Variants in HMGB1 observed in about 807,000 individuals in gnomAD.
HMGB1 encodes high mobility group protein B1.
For synonymous variants in HMGB1, 81 were observed against 84.0 expected, an observed-to-expected ratio of 0.96 and a Z score of 0.19; for missense variants, 79 against 253.5, an observed-to-expected ratio of 0.31 and a Z score of 4.67.
chr13:30,469,789 C>G (rs1886878020), upstream of HMGB1, among the ~76,000 whole-genome samples: 1 of 152,298 alleles, frequency 6.6e-6, no homozygotes, highest in Non-Finnish European at 1.5e-5. Context: ...TGCCACCACG[C>G]CCAGCTTATT....
chr13:30,564,174 T>C (rs1002757312), intron 1 of HMGB1, among the ~76,000 whole-genome samples: 1 of 151,176 alleles, frequency 6.6e-6, no homozygotes. Context: ...GGCTCATGCC[T>C]GTAATCCCAG....
rs988016285 is a variant in HMGB1, at chr13:30,459,393, A to G, written c.*1964T>C. ...GTCATGACGTACCTACTAAAGTTACAAATTCTCCTTGAGCCAGAATTCATT... is the reference window on the plus strand; with the variant it reads ...GTCATGACGTACCTACTAAAGTTACGAATTCTCCTTGAGCCAGAATTCATT... On this transcript the variant is annotated 3_prime_UTR_variant, in exon 5 of 5. Transcript: ENST00000341423. 6 of 152,214 alleles carry G rather than the reference A, an allele frequency of 3.9e-5. No individual in the cohort carries two copies. The highest frequency in any genetic ancestry group is 8.8e-5 in the Non-Finnish European group (6 of 68,034). The allele number at this position is 152,214 out of a possible 1,614,324, so 9.4% of individuals were successfully genotyped here.
exon 1 of HMGB1, chr13:30,617,199 T>C (rs1157476715): frequency 6.6e-6 from 1 of 152,124 alleles, no homozygotes; most frequent in Admixed American, 6.5e-5. Context: ...TCCCTGCGCT[T>C]TCGCTGCTCC....
At chr13:30,479,892 A>G (rs1053209220) in intron 1 of HMGB1, among the ~76,000 whole-genome samples, 4 of 152,210 alleles carry the variant, frequency 2.6e-5, no homozygotes, top group African/African-American at 9.6e-5. Context: ...TTTAATTACA[A>G]TGTTTTCTTC....
chr13:30,535,794 G>A (rs1212315139), intron 1 of HMGB1, among the ~76,000 whole-genome samples: 1 of 152,238 alleles, frequency 6.6e-6, no homozygotes, highest in Admixed American at 6.5e-5. Flanking sequence ...GGAGGCTGAG[G>A]CAGGAGAATC....
intron 1 of HMGB1, among the ~76,000 whole-genome samples, chr13:30,585,385 C>G (rs1871100010): frequency 6.6e-6 from 1 of 152,054 alleles, no homozygotes; most frequent in Non-Finnish European, 1.5e-5. Flanking sequence ...AATGTTAAAT[C>G]CATTATAAAG....
intron 1 of HMGB1, among the ~76,000 whole-genome samples, chr13:30,499,916 G>T (rs1253069948): frequency 2.0e-5 from 3 of 152,176 alleles, no homozygotes; most frequent in Non-Finnish European, 4.4e-5. Flanking sequence ...AGTTCCTCGG[G>T]CCTGGGGAAA....
At chr13:30,500,917 C>T (rs769451963) in intron 1 of HMGB1, among the ~76,000 whole-genome samples, 5 of 152,050 alleles carry the variant, frequency 3.3e-5, no homozygotes, top group Non-Finnish European at 7.4e-5. Context: ...AAGTGATTTT[C>T]TTGCCTTGGC....
chr13:30,599,475 A>AC (rs1446000581), intron 1 of HMGB1, among the ~76,000 whole-genome samples: 2 of 152,126 alleles, frequency 1.3e-5, no homozygotes, highest in Non-Finnish European at 2.9e-5. Context: ...TCTCAAAAAC[A>AC]AAAAAACAAA....
chr13:30,483,372 C>G (rs1429278308), intron 1 of HMGB1, among the ~76,000 whole-genome samples: 1 of 152,096 alleles, frequency 6.6e-6, no homozygotes, highest in Non-Finnish European at 1.5e-5. Context: ...CCCTCACTCC[C>G]CGCAACCAGC....
rs58424009 is a variant in HMGB1 at position 30,537,652 on chromosome 13, C to CATATAT, written c.-14-73964_-14-73959dup. Reference sequence around the variant, plus strand: ...TGGTGGCAATTCATTCATTCTTGTTCATATATATATATATATATATATATA... The same window carrying CATATAT: ...TGGTGGCAATTCATTCATTCTTGTTCATATATATATATATATATATATATATATATA... On this transcript the variant is annotated intron_variant, in intron 1 of 4. Coordinates refer to the HMGB1 transcript ENST00000405805. 7.8e-3 allele frequency among the ~76,000 whole-genome samples: 532 copies of CATATAT among 67,860 alleles called. 20 individuals are homozygous for CATATAT. The highest frequency in any genetic ancestry group is 0.016 in the South Asian group (18 of 1,102). The allele number at this position is 67,860 out of a possible 152,430, so 44.5% of individuals were successfully genotyped here. A position where few individuals can be genotyped will look rare whatever the true frequency, so the allele number is the denominator to read the frequency against.
At chr13:30,544,436 C>G (rs1008456273) in intron 1 of HMGB1, among the ~76,000 whole-genome samples, 2 of 152,210 alleles carry the variant, frequency 1.3e-5, no homozygotes, top group African/African-American at 4.8e-5. Context: ...TCTCACTCCC[C>G]CAACCTCCGG....
chr13:30,481,791 T>G (rs1182062448), intron 1 of HMGB1, among the ~76,000 whole-genome samples: 1 of 152,178 alleles, frequency 6.6e-6, no homozygotes, highest in Admixed American at 6.5e-5. Flanking sequence ...AGCTTCTGTC[T>G]TACTCATTAG....
chr13:30,471,514 AT>A (rs933222421), intron 1 of HMGB1, among the ~76,000 whole-genome samples: 180 of 140,214 alleles, frequency 1.3e-3, no homozygotes, highest in Middle Eastern at 3.8e-3. Flanking sequence ...CACCTGGCTA[AT>A]TTTTTTTTTT....
intron 1 of HMGB1, among the ~76,000 whole-genome samples, chr13:30,563,256 CAG>C (rs1009645347): frequency 4.6e-4 from 70 of 152,312 alleles, no homozygotes; most frequent in African/African-American, 1.5e-3. Flanking sequence ...TTATTTCTGA[CAG>C]AGTGTTCCCT....
rs1869538462 is a variant in HMGB1, at chr13:30,553,701, G to C, written c.-15+62970C>G. 13 of 954,310 alleles carry C rather than the reference G, an allele frequency of 1.4e-5. No homozygotes were observed. The South Asian group carries it at 1.4e-4, about 11-fold the overall frequency. 59.1% of individuals were successfully genotyped at this position (954,310 alleles called of 1,614,324 possible). On this transcript the variant is annotated intron_variant, in intron 1 of 4. Transcript: ENST00000405805. ...CACCATCATTGAGCGGGAGTTCAAGGAGTTGGATGCTCAGCATCGCTGGCA... is the reference window on the plus strand; with the variant it reads ...CACCATCATTGAGCGGGAGTTCAAGCAGTTGGATGCTCAGCATCGCTGGCA...
At chr13:30,605,959 T>C (rs557778867) in intron 1 of HMGB1, among the ~76,000 whole-genome samples, 9 of 152,284 alleles carry the variant, frequency 5.9e-5, no homozygotes, top group African/African-American at 2.2e-4. Context: ...ATAGTAACCA[T>C]GAACACACCT....
At chr13:30,548,616 G>A (rs939498585) in intron 1 of HMGB1, among the ~76,000 whole-genome samples, 1 of 152,174 alleles carries the variant, frequency 6.6e-6, no homozygotes, top group African/African-American at 2.4e-5. Flanking sequence ...TATGCGGTTT[G>A]CAAAATTCTT....
At chr13:30,593,185 A>G (rs1035399643) in intron 1 of HMGB1, among the ~76,000 whole-genome samples, 3 of 152,200 alleles carry the variant, frequency 2.0e-5, no homozygotes, top group African/African-American at 7.2e-5. Flanking sequence ...TTTGGGCGGA[A>G]AGCAGCATTT....
Sources: allele counts gnomAD v4.1 joint callset (sites outside exome capture counted in the v4.1 genomes callset), GRCh38; gene constraint gnomAD v4.1.1; transcripts MANE v1.5; gene names NCBI Gene and HGNC (gene_info 2026-07-23, HGNC 2026-07-21).